RAB7A: variants seen among roughly 807,000 people sequenced by gnomAD.
The protein encoded by RAB7A is ras-related protein Rab-7a.
Under a neutral mutation model 24.5 loss-of-function variants are expected in RAB7A, and 2 were observed. That is an observed-to-expected ratio of 0.08 (90% CI 0.03 to 0.26). The LOEUF (loss-of-function observed/expected upper bound fraction) is 0.26, where lower values mean the gene tolerates loss of function less well. RAB7A is among the 10% of genes least tolerant of loss of function. The pLI is 1.00. For missense variants in RAB7A, 118 were observed against 255.7 expected, an observed-to-expected ratio of 0.46 and a Z score of 3.67; for synonymous variants, 100 against 95.9, an observed-to-expected ratio of 1.04 and a Z score of -0.25.
intron 1 of RAB7A, among the ~76,000 whole-genome samples, chr3:128,733,763 A>C (rs1421322009): frequency 1.3e-5 from 2 of 152,232 alleles, no homozygotes; most frequent in African/African-American, 4.8e-5. Flanking sequence ...CCCTGTCTGC[A>C]AATAAGTCAC....
rs73198812 is a variant in RAB7A, at chr3:128,752,291, A to C, written c.-9+25932A>C. ...ACAATACTAATAATGCTAACCAGCA[A>C]CATTAACTAAATAAAAAATGAAAAA... On this transcript the variant is annotated intron_variant, in intron 1 of 5. Transcript: ENST00000265062. Among the ~76,000 whole-genome samples, 608 of 152,336 alleles carry C rather than the reference A, an allele frequency of 4.0e-3. 2 individuals carry two copies. The highest frequency in any genetic ancestry group is 6.3e-3 in the Non-Finnish European group (432 of 68,034).
At chr3:128,755,104 A>T (rs949167467) in intron 1 of RAB7A, among the ~76,000 whole-genome samples, 3 of 152,220 alleles carry the variant, frequency 2.0e-5, no homozygotes, top group African/African-American at 7.2e-5. Flanking sequence ...GATAGACCAT[A>T]CATTAGGCCA....
intron 5 of RAB7A, among the ~76,000 whole-genome samples, chr3:128,810,264 A>G (rs981804607): frequency 2.6e-5 from 4 of 151,942 alleles, no homozygotes; most frequent in African/African-American, 7.3e-5. Flanking sequence ...TTCTTTTTTA[A>G]TAATTTTGTT....
At chr3:128,741,444 G>GT (rs1371325425) in intron 1 of RAB7A, among the ~76,000 whole-genome samples, 1 of 152,038 alleles carries the variant, frequency 6.6e-6, no homozygotes, top group African/African-American at 2.4e-5. Flanking sequence ...CAAATGTATA[G>GT]TTTTCCCAGT....
chr3:128,800,427 C>T (rs542915200), intron 3 of RAB7A, among the ~76,000 whole-genome samples: 1 of 152,178 alleles, frequency 6.6e-6, no homozygotes, highest in East Asian at 1.9e-4. Flanking sequence ...CCTGCTGGGT[C>T]GGGGGTTGTC....
intron 1 of RAB7A, among the ~76,000 whole-genome samples, chr3:128,742,758 A>G (rs2070567391): frequency 6.6e-6 from 1 of 152,234 alleles, no homozygotes; most frequent in Admixed American, 6.5e-5. Flanking sequence ...CCAAGTCCCC[A>G]CTAGATTAGC....
At chr3:128,796,299 A>G (rs115716667) in intron 2 of RAB7A, among the ~76,000 whole-genome samples, 85 of 151,952 alleles carry the variant, frequency 5.6e-4, no homozygotes, top group Middle Eastern at 3.4e-3. Context: ...ACCTGTCTCT[A>G]CAAAAAAAAT....
At chr3:128,774,665 C>A (rs993997277) in intron 1 of RAB7A, among the ~76,000 whole-genome samples, 4 of 152,212 alleles carry the variant, frequency 2.6e-5, no homozygotes, top group Non-Finnish European at 5.9e-5. Flanking sequence ...GCTCCGCTCC[C>A]GGGTTCACGC....
At chr3:128,798,866 C>A in intron 3 of RAB7A, 1 of 273,106 alleles carries the variant, frequency 3.7e-6, no homozygotes, top group East Asian at 1.2e-4. Context: ...ATTTTCCCTC[C>A]TGTATTTTCA....
chr3:128,756,060 G>A (rs954663092), intron 1 of RAB7A, among the ~76,000 whole-genome samples: 11 of 152,162 alleles, frequency 7.2e-5, no homozygotes, highest in Non-Finnish European at 1.2e-4. Context: ...ACAACGGGCC[G>A]GGCACAGTGG....
chr3:128,797,174 G>A (rs980783873), intron 2 of RAB7A, among the ~76,000 whole-genome samples: 1 of 152,166 alleles, frequency 6.6e-6, no homozygotes, highest in Non-Finnish European at 1.5e-5. Flanking sequence ...TGTAGATTCT[G>A]GCTTAGATGG....
At chr3:128,749,408 T>C (rs1342052737) in intron 1 of RAB7A, 2 of 152,274 alleles carry the variant, frequency 1.3e-5, no homozygotes, top group African/African-American at 4.8e-5. Context: ...CATGGCTATC[T>C]GGGTCTCAGT....
chr3:128,813,287 A>T (rs746809904), intron 5 of RAB7A, 40 bp from the exon 6 acceptor site: 3 of 1,573,106 alleles, frequency 1.9e-6, no homozygotes, highest in South Asian at 1.1e-5. Context: ...AAATGTTTCT[A>T]TTCCCTGAGT....
chr3:128,732,787 A>G (rs888590369), intron 1 of RAB7A, among the ~76,000 whole-genome samples: 15 of 152,052 alleles, frequency 9.9e-5, no homozygotes, highest in African/African-American at 3.4e-4. Flanking sequence ...TGTTCGTGGC[A>G]CTGCACTCCA....
chr3:128,783,463 G>T (rs1052803742), intron 1 of RAB7A, among the ~76,000 whole-genome samples: 3 of 152,026 alleles, frequency 2.0e-5, no homozygotes, highest in Admixed American at 1.3e-4. Flanking sequence ...AGGGGGTGAG[G>T]TGGGACCCTG....
intron 3 of RAB7A, among the ~76,000 whole-genome samples, chr3:128,803,312 A>G (rs1933736954): frequency 6.6e-6 from 1 of 152,234 alleles, no homozygotes; most frequent in South Asian, 2.1e-4. Context: ...TACATTAAAC[A>G]TGTAAATAAC....
At chr3:128,765,302 CTG>C (rs2070820149) in intron 1 of RAB7A, among the ~76,000 whole-genome samples, 1 of 152,210 alleles carries the variant, frequency 6.6e-6, no homozygotes, top group South Asian at 2.1e-4. Flanking sequence ...GCTAGCGATA[CTG>C]TGTTTAAGTC....
chr3:128,784,931 TC>T (rs1240009657), intron 1 of RAB7A, among the ~76,000 whole-genome samples: 1 of 151,534 alleles, frequency 6.6e-6, no homozygotes, highest in Non-Finnish European at 1.5e-5. Flanking sequence ...GCTTAAGAGT[TC>T]TATTCATGGC....
chr3:128,797,812 A>G (rs1269456607), intron 2 of RAB7A, 131 bp from the exon 3 acceptor site: 6 of 1,011,450 alleles, frequency 5.9e-6, no homozygotes, highest in Non-Finnish European at 7.7e-6. Flanking sequence ...GGCTACTGGC[A>G]TTGCCCTTTG....
Sources: allele counts gnomAD v4.1 joint callset (sites outside exome capture counted in the v4.1 genomes callset), GRCh38; gene constraint gnomAD v4.1.1; transcripts MANE v1.5; gene names NCBI Gene and HGNC (gene_info 2026-07-23, HGNC 2026-07-21).